The following FOXP2 variants were observed in gnomAD, a reference collection of about 807,000 sequenced individuals.
FOXP2 encodes the protein forkhead box P2.
FOXP2 carries 12 observed loss-of-function variants against 115.8 expected under a neutral mutation model. The observed-to-expected ratio is 0.10, with a 90% confidence interval of 0.07 to 0.17. The LOEUF (loss-of-function observed/expected upper bound fraction) is 0.17. Ranked by LOEUF, FOXP2 falls within the 10% of genes least tolerant of loss-of-function variation. The pLI is 1.00. For missense variants in FOXP2, 629 were observed against 843.5 expected (o/e 0.75, Z 3.15); for synonymous variants, 328 against 297.7 (o/e 1.10, Z -1.05).
intron 3 of FOXP2, chr7:114,538,318 A>G: frequency 4.6e-6 from 6 of 1,302,470 alleles, no homozygotes; most frequent in Non-Finnish European, 5.1e-6. Flanking sequence ...TTCTTGTTAC[A>G]TTTACAGCCA....
At chr7:114,322,946 TC>T (rs1281935381) in intron 2 of FOXP2, among the ~76,000 whole-genome samples, 4 of 152,302 alleles carry the variant, frequency 2.6e-5, no homozygotes, top group Middle Eastern at 3.4e-3. Flanking sequence ...TTTATTGTCA[TC>T]AATGTCACAG....
At chr7:114,686,383 G>A (rs1369774071) in intron 16 of FOXP2, among the ~76,000 whole-genome samples, 1 of 152,140 alleles carries the variant, frequency 6.6e-6, no homozygotes, top group Non-Finnish European at 1.5e-5. Flanking sequence ...ATGTTGGCCA[G>A]ACTGGTCTTG....
chr7:114,388,665 A>G (rs1296587315), intron 2 of FOXP2, among the ~76,000 whole-genome samples: 1 of 152,224 alleles, frequency 6.6e-6, no homozygotes, highest in Non-Finnish European at 1.5e-5. Context: ...AGAGAAAAAG[A>G]AAGGAGATTA....
intron 1 of FOXP2, 103 bp from the exon 2 acceptor site, chr7:114,426,399 T>C (rs1248182935): frequency 1.8e-6 from 2 of 1,086,860 alleles, no homozygotes; most frequent in Non-Finnish European, 2.8e-6. Context: ...TTCTTCCCCC[T>C]CTTCTAAAGA....
At position 114,252,277 on chromosome 7, in the gene FOXP2, G is replaced by C. The variant is rs907280210; in HGVS notation, c.-101-35742G>C. Among the ~76,000 whole-genome samples, 4 of 152,134 alleles carry C rather than the reference G, an allele frequency of 2.6e-5. No homozygotes were observed. In the East Asian group the frequency reaches 5.8e-4, roughly 22 times the overall value. On this transcript the variant is annotated intron_variant, in intron 1 of 17. Coordinates refer to the FOXP2 transcript ENST00000634411. ...TCTTTTTTCGTTGTGTGTCTGCCAG[G>C]CTTTGGTATCAGGATGATGCTTGCC...
chr7:114,431,543 G>T (rs986828169), intron 2 of FOXP2, among the ~76,000 whole-genome samples: 1 of 151,860 alleles, frequency 6.6e-6, no homozygotes, highest in Non-Finnish European at 1.5e-5. Flanking sequence ...AGATAGTAAC[G>T]GCTGGAATTT....
chr7:114,658,901 CT>C (rs1411824720), intron 11 of FOXP2, among the ~76,000 whole-genome samples: 1 of 152,164 alleles, frequency 6.6e-6, no homozygotes, highest in Non-Finnish European at 1.5e-5. Context: ...CCAGAGCCCC[CT>C]CTTTACAAAA....
intron 1 of FOXP2, among the ~76,000 whole-genome samples, chr7:114,237,545 T>G (rs1795042484): frequency 6.6e-6 from 1 of 152,186 alleles, no homozygotes; most frequent in Admixed American, 6.5e-5. Flanking sequence ...AGAAATCTGT[T>G]TTAGGGCTCT....
At chr7:114,589,819 AT>A (rs1802353351) in intron 3 of FOXP2, among the ~76,000 whole-genome samples, 1 of 151,984 alleles carries the variant, frequency 6.6e-6, no homozygotes, top group East Asian at 1.9e-4. Flanking sequence ...TTTAGGCTGC[AT>A]TTTTCCATAC....
At chr7:114,618,784 A>G (rs182624643) in intron 3 of FOXP2, among the ~76,000 whole-genome samples, 9 of 152,238 alleles carry the variant, frequency 5.9e-5, no homozygotes, top group Admixed American at 4.6e-4. Context: ...TTGAGTAGAG[A>G]CTGCAGATAG....
rs189244359 is a variant in FOXP2, at chr7:114,369,020, A to T, written c.-10-57482A>T. On this transcript the variant is annotated intron_variant, in intron 2 of 17. Transcript: ENST00000634411. ...TAGACCGAAGTTGGAGGATCGAGCC[A>T]CTTAAGACAGTGCACTTCCAAGGCT... 3.9e-5 allele frequency among the ~76,000 whole-genome samples: 6 copies of T among 152,316 alleles called. No individual in the cohort carries two copies. The East Asian group carries it at 1.2e-3, about 29-fold the overall frequency.
At chr7:114,657,124 C>T (rs1010707868) in intron 10 of FOXP2, among the ~76,000 whole-genome samples, 2 of 151,998 alleles carry the variant, frequency 1.3e-5, no homozygotes, top group East Asian at 1.9e-4. Flanking sequence ...TGCTGCCCTG[C>T]GTAAAAATTT....
At chr7:114,476,347 A>G (rs974650141) in intron 2 of FOXP2, among the ~76,000 whole-genome samples, 2 of 152,056 alleles carry the variant, frequency 1.3e-5, no homozygotes, top group African/African-American at 4.8e-5. Context: ...ATGGCTAGCC[A>G]GATATCCCAG....
chr7:114,642,877 T>C (rs6972926), intron 7 of FOXP2, among the ~76,000 whole-genome samples: 2,123 of 143,920 alleles, frequency 0.015, 48 homozygotes, highest in African/African-American at 0.051. Flanking sequence ...GGCACAATCT[T>C]GGCTCACTGC....
intron 1 of FOXP2, 21 bp from the exon 2 acceptor site, chr7:114,426,481 A>G: frequency 6.2e-7 from 1 of 1,608,088 alleles, no homozygotes; most frequent in South Asian, 1.1e-5. Context: ...GTGTTAATTG[A>G]TACTTCTTAA....
At chr7:114,352,237 A>C (rs925196779) in intron 2 of FOXP2, among the ~76,000 whole-genome samples, 1 of 152,288 alleles carries the variant, frequency 6.6e-6, no homozygotes, top group Non-Finnish European at 1.5e-5. Flanking sequence ...ACTGCAGTCC[A>C]GCCTGGGCAA....
chr7:114,692,309 T>C lies in FOXP2; in HGVS notation c.*2383T>C, dbSNP rs749624955. On this transcript the variant is annotated 3_prime_UTR_variant, in exon 17 of 17. Coordinates refer to ENST00000350908, the MANE Select transcript of FOXP2 (RefSeq NM_014491.4). Reference sequence around the variant, plus strand: ...AAGGAAGTCTCAGCCACAGAATGCATATACCTGTAGAGTTTTGCATGGGTT... The same window carrying C: ...AAGGAAGTCTCAGCCACAGAATGCACATACCTGTAGAGTTTTGCATGGGTT... 1 of 454,004 alleles carries C rather than the reference T, an allele frequency of 2.2e-6. No homozygotes were observed. Among genetic ancestry groups the C allele is most frequent in the Non-Finnish European group, 4.4e-6 (1 of 226,736 alleles). 28.1% of individuals were successfully genotyped at this position (454,004 alleles called of 1,614,324 possible).
At chr7:114,534,928 T>G (rs1003028464) in intron 3 of FOXP2, among the ~76,000 whole-genome samples, 10 of 151,786 alleles carry the variant, frequency 6.6e-5, no homozygotes, top group African/African-American at 2.4e-4. Flanking sequence ...TTGCAAAAAA[T>G]ACATAGGAAC....
upstream of FOXP2, among the ~76,000 whole-genome samples, chr7:114,411,488 A>G (rs913077712): frequency 6.6e-6 from 1 of 152,126 alleles, no homozygotes; most frequent in Non-Finnish European, 1.5e-5. Context: ...ATTTTTGAAT[A>G]AAGGAATTTC....
Sources: allele counts gnomAD v4.1 joint callset (sites outside exome capture counted in the v4.1 genomes callset), GRCh38; gene constraint gnomAD v4.1.1; transcripts MANE v1.5; gene names NCBI Gene and HGNC (gene_info 2026-07-23, HGNC 2026-07-21).